Variants in DNER observed in about 807,000 individuals in gnomAD.
DNER encodes the protein delta and Notch-like epidermal growth factor-related receptor.
DNER carries 33 observed loss-of-function variants against 78.2 expected under a neutral mutation model. The observed-to-expected ratio is 0.42, with a 90% confidence interval of 0.32 to 0.56. The LOEUF (loss-of-function observed/expected upper bound fraction) is 0.56. DNER is among the 20% of genes least tolerant of loss of function. The probability of loss-of-function intolerance (pLI) is 0.11; values close to 1 mark genes in which losing one functional copy is unlikely to be tolerated. For missense variants in DNER, 918 were observed against 975.3 expected, an observed-to-expected ratio of 0.94 and a Z score of 0.78; for synonymous variants, 417 against 384.8, an observed-to-expected ratio of 1.08 and a Z score of -0.98.
At chr2:229,413,886 C>T (rs550190468) in intron 9 of DNER, among the ~76,000 whole-genome samples, 1 of 151,954 alleles carries the variant, frequency 6.6e-6, no homozygotes, top group South Asian at 2.1e-4. Flanking sequence ...TAAAATACTA[C>T]CTATCTAAGT....
chr2:229,641,022 G>A (rs889654209), intron 1 of DNER, among the ~76,000 whole-genome samples: 6 of 152,124 alleles, frequency 3.9e-5, no homozygotes, highest in Admixed American at 3.9e-4. Flanking sequence ...GGTCTGGAAG[G>A]GGCTAGGTGG....
At chr2:229,583,453 T>C (rs1367897742) in intron 4 of DNER, among the ~76,000 whole-genome samples, 1 of 152,234 alleles carries the variant, frequency 6.6e-6, no homozygotes, top group Non-Finnish European at 1.5e-5. Context: ...AAAAACAGAA[T>C]AGCTGTACGG....
At chr2:229,598,469 G>A (rs759536) in intron 1 of DNER, among the ~76,000 whole-genome samples, 55,453 of 152,052 alleles carry the variant, frequency 0.36, 10,289 homozygotes, top group East Asian at 0.5. Flanking sequence ...CTGAGCAGTC[G>A]GCTCATCAAT....
chr2:229,506,031 C>T (rs1695736173), intron 6 of DNER, among the ~76,000 whole-genome samples: 3 of 152,120 alleles, frequency 2.0e-5, no homozygotes, highest in Non-Finnish European at 4.4e-5. Context: ...GATCAATTTG[C>T]CATCTCCTGG....
At chr2:229,463,704 T>G (rs1047615531) in intron 7 of DNER, among the ~76,000 whole-genome samples, 1 of 152,192 alleles carries the variant, frequency 6.6e-6, no homozygotes, top group African/African-American at 2.4e-5. Flanking sequence ...CCTCCCAGAG[T>G]GCTGAGATCA....
At chr2:229,389,116 C>T (rs1228153229) in intron 10 of DNER, among the ~76,000 whole-genome samples, 1 of 152,020 alleles carries the variant, frequency 6.6e-6, no homozygotes, top group Non-Finnish European at 1.5e-5. Context: ...GACCTAATCT[C>T]TTCTGAGAAA....
intron 9 of DNER, among the ~76,000 whole-genome samples, chr2:229,417,305 T>C (rs1405260655): frequency 6.6e-5 from 10 of 152,118 alleles, no homozygotes; most frequent in Non-Finnish European, 1.2e-4. Context: ...CAAGCAGCAA[T>C]AGGAGCAAGC....
intron 7 of DNER, among the ~76,000 whole-genome samples, chr2:229,472,049 T>A (rs559256519): frequency 3.3e-5 from 5 of 152,342 alleles, no homozygotes; most frequent in African/African-American, 1.2e-4. Context: ...CAACATTGCA[T>A]TCTAATAGTT....
At chr2:229,412,255 A>G (rs1054726896) in intron 9 of DNER, among the ~76,000 whole-genome samples, 20 of 152,226 alleles carry the variant, frequency 1.3e-4, no homozygotes, top group Non-Finnish European at 2.5e-4. Flanking sequence ...GAGGTCCTCC[A>G]TGAATTTTGC....
At chr2:229,616,907 G>C (rs560182790) in intron 1 of DNER, among the ~76,000 whole-genome samples, 1 of 152,314 alleles carries the variant, frequency 6.6e-6, no homozygotes, top group South Asian at 2.1e-4. Flanking sequence ...ATGCAGATGG[G>C]AGGGTCTGCT....
Position 229,535,024 on chromosome 2 carries a change from C to T in DNER, c.993+11923G>A, listed in dbSNP as rs76686348. Reference sequence around the variant, plus strand: ...CTAATTTCTGTATTTTTAGTAGAGACGGGGTTTCACCATGTTGGCCAGGCC... The same window carrying T: ...CTAATTTCTGTATTTTTAGTAGAGATGGGGTTTCACCATGTTGGCCAGGCC... On this transcript the variant is annotated intron_variant, in intron 5 of 12. Coordinates refer to ENST00000341772, the MANE Select transcript of DNER (RefSeq NM_139072.4). 8.6e-5 allele frequency among the ~76,000 whole-genome samples: 13 copies of T among 152,036 alleles called. No homozygotes were observed. The South Asian group carries it at 1.7e-3, about 19-fold the overall frequency.
At chr2:229,500,889 ATT>A (rs1416779083) in intron 6 of DNER, among the ~76,000 whole-genome samples, 1 of 152,070 alleles carries the variant, frequency 6.6e-6, no homozygotes, top group African/African-American at 2.4e-5. Flanking sequence ...CCATTGTATC[ATT>A]CTTATGCCTT....
chr2:229,409,725 T>C (rs1056942442), intron 9 of DNER, among the ~76,000 whole-genome samples: 1 of 152,166 alleles, frequency 6.6e-6, no homozygotes, highest in African/African-American at 2.4e-5. Context: ...TGAGCATCTA[T>C]TGAGAGTTCT....
At chr2:229,712,448 G>A (rs1034285356) in intron 1 of DNER, among the ~76,000 whole-genome samples, 19 of 152,088 alleles carry the variant, frequency 1.2e-4, no homozygotes, top group South Asian at 4.1e-4. Context: ...CATGTAAATC[G>A]ATGGGCACTC....
chr2:229,705,851 A>C (rs1574577064), intron 1 of DNER, among the ~76,000 whole-genome samples: 1 of 152,130 alleles, frequency 6.6e-6, no homozygotes, highest in African/African-American at 2.4e-5. Context: ...GCCTGTAGTA[A>C]CTCAGTTAAG....
At chr2:229,594,257 GAGA>G (rs1697662564) in intron 1 of DNER, among the ~76,000 whole-genome samples, 1 of 152,212 alleles carries the variant, frequency 6.6e-6, no homozygotes, top group Non-Finnish European at 1.5e-5. Flanking sequence ...CACTGAAATG[GAGA>G]AGGATCTTCT....
chr2:229,689,232 G>A (rs1699531390), intron 1 of DNER, among the ~76,000 whole-genome samples: 1 of 152,108 alleles, frequency 6.6e-6, no homozygotes, highest in Admixed American at 6.6e-5. Context: ...CACCCTGATG[G>A]CCACTCCCCT....
At chr2:229,367,359 G>A (rs960716447) in intron 11 of DNER, among the ~76,000 whole-genome samples, 1 of 152,150 alleles carries the variant, frequency 6.6e-6, no homozygotes, top group Non-Finnish European at 1.5e-5. Flanking sequence ...CCAGCACTTT[G>A]GGAGGCTGAG....
At chr2:229,392,719 G>T (rs563694306) in intron 10 of DNER, among the ~76,000 whole-genome samples, 9 of 151,960 alleles carry the variant, frequency 5.9e-5, no homozygotes, top group African/African-American at 2.2e-4. Context: ...TTAGTAATGG[G>T]GCACAACTAT....
Sources: allele counts gnomAD v4.1 joint callset (sites outside exome capture counted in the v4.1 genomes callset), GRCh38; gene constraint gnomAD v4.1.1; transcripts MANE v1.5; gene names NCBI Gene and HGNC (gene_info 2026-07-23, HGNC 2026-07-21).